Variants in ITGB7 observed in about 807,000 individuals in gnomAD.
ITGB7 encodes integrin subunit beta 7, also known as integrin beta-7.
A neutral mutation model predicts 83.4 loss-of-function variants in ITGB7; 55 were observed. The ratio of observed to expected loss-of-function variants is 0.66; its 90% CI spans 0.53 to 0.83. ITGB7 has a LOEUF of 0.83. Ranked by LOEUF, ITGB7 falls within the 40% of genes least tolerant of loss-of-function variation. The pLI, the probability that ITGB7 is intolerant of heterozygous loss-of-function variation, is 0.00. For missense variants in ITGB7, 921 were observed against 1,046.7 expected (o/e 0.88, Z 1.66); for synonymous variants, 454 against 423.6 (o/e 1.07, Z -0.88).
At position 53,193,756 on chromosome 12, in the gene ITGB7, G is replaced by T; in HGVS notation, c.1454C>A (p.Ala485Asp). 1 of 1,614,032 alleles carries T rather than the reference G, an allele frequency of 6.2e-7. No homozygotes were observed. Among genetic ancestry groups the T allele is most frequent in the Non-Finnish European group, 8.5e-7 (1 of 1,179,978 alleles). Residue 485 changes from alanine (A) to aspartate (D), a missense_variant, in exon 11 of 16, where the codon GCT (alanine) becomes GAT (aspartate). Coordinates refer to ENST00000267082, the MANE Select transcript of ITGB7 (RefSeq NM_000889.3). Reference sequence around the variant, plus strand: ...TCCCTGGCCATCACTGCAGTGGGGAGCCTGGGGCTGGGTGTCACTGCAATT... The same window carrying T: ...TCCCTGGCCATCACTGCAGTGGGGATCCTGGGGCTGGGTGTCACTGCAATT... Reference protein sequence around the residue: ...DCNCSDTQPQAPHCSDGQGHL... With the variant: ...DCNCSDTQPQDPHCSDGQGHL...
At chr12:53,192,651 CTG>C (rs1193300781) in intron 13 of ITGB7, 38 bp downstream of exon 13, 1 of 1,603,800 alleles carries the variant, frequency 6.2e-7, no homozygotes, top group Admixed American at 1.7e-5. Context: ...ACAAGCCCCA[CTG>C]TGCCCCTGCT....
intron 9 of ITGB7, chr12:53,194,595 A>G (rs552558751): frequency 1.1e-4 from 46 of 433,834 alleles, no homozygotes; most frequent in African/African-American, 8.3e-4. Flanking sequence ...TGAGGGTCAC[A>G]GGCTGGCCAG....
intron 9 of ITGB7, 128 bp downstream of exon 9, chr12:53,195,246 G>A (rs942022444): frequency 8.7e-6 from 6 of 691,062 alleles, no homozygotes; most frequent in Non-Finnish European, 8.0e-6. Flanking sequence ...CAGACTATAG[G>A]TAGGAGCTGT....
rs1285603279 is a variant in ITGB7 at position 53,192,193 on chromosome 12, A to G, written c.2155+137T>C. ...GGCCTTAGCCTCGTCCACTTGCTCA[A>G]TTGCCTCTGCCTTTGTCCTGGATTC... On this transcript the variant is annotated intron_variant, in intron 14 of 15. Transcript: ENST00000267082. The G allele has an allele frequency of 8.3e-6, 10 of 1,206,748 alleles. No homozygotes were observed. The Admixed American group carries it at 1.3e-4, about 15-fold the overall frequency. 74.8% of individuals were successfully genotyped at this position (1,206,748 alleles called of 1,614,324 possible). A position where few individuals can be genotyped will look rare whatever the true frequency, so the allele number is the denominator to read the frequency against.
rs769728483 is a variant in ITGB7 at position 53,194,322 on chromosome 12, A to G, written c.1184T>C (p.Leu395Pro). ...CCCAGGAGGGAGTGAAGAGTGTTCA[A>G]GGGTCACGGTGGAAGACAGGCTCTA... Reference protein sequence around the residue: ...AYNSLSSTVTLEHSSLPPGVH... With the variant: ...AYNSLSSTVTPEHSSLPPGVH... Residue 395 changes from leucine to proline, a missense_variant, in exon 10 of 16, where the codon CTT (leucine) becomes CCT (proline). Physicochemically the swap from Leu to Pro is moderately conservative, Grantham distance 98 (BLOSUM62 -3). Coordinates refer to ENST00000267082, the MANE Select transcript of ITGB7 (RefSeq NM_000889.3). 1 of 1,613,980 alleles carries G rather than the reference A, an allele frequency of 6.2e-7. No individual in the cohort carries two copies. The highest frequency in any genetic ancestry group is 8.5e-7 in the Non-Finnish European group (1 of 1,179,966).
In ITGB7 at chr12:53,192,855, T is replaced by C. The variant is rs138972554; in HGVS notation, c.1782A>G (p.Arg594=). The change falls in exon 13 of 16, where the codon AGA becomes AGG. Residue 594 remains arginine, a synonymous_variant. Transcript: ENST00000267082. ...VCHCHANRTG[R]ACECSGDMDS... ...CCATGTCCCCACTGCATTCGCATGC[T>C]CTGCCCGTGCGGTTGGCATGACAGT... The C allele has an allele frequency of 6.2e-7, 1 of 1,614,196 alleles. No homozygotes were observed. The highest frequency in any genetic ancestry group is 8.5e-7 in the Non-Finnish European group (1 of 1,180,040).
chr12:53,195,601 G>A, intron 8 of ITGB7, 25 bp downstream of exon 8: 1 of 1,591,518 alleles, frequency 6.3e-7, no homozygotes, highest in Non-Finnish European at 8.6e-7. Flanking sequence ...GGGGCTGGGG[G>A]ATCTGACATG....
intron 7 of ITGB7, 121 bp downstream of exon 7, chr12:53,195,920 G>T (rs919688161): frequency 8.4e-7 from 1 of 1,189,232 alleles, no homozygotes; most frequent in South Asian, 1.4e-5. Context: ...AACTGCTGGA[G>T]AAGATGGCAG....
At chr12:53,202,416 G>A (rs573918536) in intron 1 of ITGB7, among the ~76,000 whole-genome samples, 11 of 152,016 alleles carry the variant, frequency 7.2e-5, no homozygotes, top group Non-Finnish European at 5.9e-5. Flanking sequence ...GTGCAGTCGC[G>A]CCATCTCAGC....
intron 3 of ITGB7, 126 bp downstream of exon 3, chr12:53,200,117 C>CTGTG: frequency 1.2e-6 from 1 of 802,440 alleles, no homozygotes; most frequent in Non-Finnish European, 2.0e-6. Context: ...ACACATGAGA[C>CTGTG]TGTGGAGTGT....
intron 3 of ITGB7, 45 bp from the exon 4 acceptor site, chr12:53,197,996 C>A: frequency 6.8e-7 from 1 of 1,477,374 alleles, no homozygotes; most frequent in Admixed American, 2.1e-5. Flanking sequence ...CCTGCATAGG[C>A]CCTGGGCCCC....
Position 53,194,320 on chromosome 12 carries a change from C to T in ITGB7, c.1186G>A (p.Glu396Lys), listed in dbSNP as rs1942081163. ...ACCCCAGGAGGGAGTGAAGAGTGTT[C>T]AAGGGTCACGGTGGAAGACAGGCTC... ...YNSLSSTVTLEHSSLPPGVHI... is the reference protein window; with the variant it reads ...YNSLSSTVTLKHSSLPPGVHI... The change falls in exon 10 of 16, where the codon GAA becomes AAA. Residue 396 changes from glutamate (E) to lysine (K), a missense_variant. Physicochemically the swap from Glu to Lys is moderately conservative, Grantham distance 56. Transcript: ENST00000267082. The T allele has an allele frequency of 6.2e-7, 1 of 1,613,840 alleles. No individual in the cohort carries two copies. Among genetic ancestry groups the T allele is most frequent in the South Asian group, 1.1e-5 (1 of 91,054 alleles).
chr12:53,192,891 A>C lies in ITGB7; in HGVS notation c.1746T>G (p.Cys582Trp). 6.2e-7 allele frequency: 1 copy of C among 1,614,078 alleles called. No individual in the cohort carries two copies. The highest frequency in any genetic ancestry group is 8.5e-7 in the Non-Finnish European group (1 of 1,179,958). ...GGTTGGCATGACAGTGACATACTCC[A>C]CATTGGCAGCGACCAAAGCCTGGGG... is the stretch of plus-strand genomic sequence containing the variant. ...ILCGGFGRCQ[C>W]GVCHCHANRT... The change falls in exon 13 of 16, where the codon TGT becomes TGG. Residue 582 changes from cysteine to tryptophan, a missense_variant. Physicochemically the swap from Cys to Trp is radical, Grantham distance 215 (BLOSUM62 -2). Transcript: ENST00000267082.
chr12:53,192,267 A>G, intron 14 of ITGB7, 63 bp downstream of exon 14: 2 of 1,507,676 alleles, frequency 1.3e-6, no homozygotes, highest in Admixed American at 1.7e-5. Flanking sequence ...TTCACTCTGC[A>G]TCCCCAGAGT....
intron 3 of ITGB7, among the ~76,000 whole-genome samples, chr12:53,199,912 C>G (rs906509893): frequency 6.6e-6 from 1 of 152,218 alleles, no homozygotes; most frequent in African/African-American, 2.4e-5. Flanking sequence ...ACATACACAA[C>G]AGCTCCCTCT....
intron 5 of ITGB7, chr12:53,197,066 A>C (rs1942187688): frequency 1.0e-5 from 6 of 571,796 alleles, no homozygotes; most frequent in South Asian, 2.2e-5. Context: ...AGGCGGAAGA[A>C]GGCCCGGGTA....
At chr12:53,204,380 C>CAAAAAAAAAAAAAAAAAAAAAA (rs1162922421) in intron 1 of ITGB7, among the ~76,000 whole-genome samples, 1 of 89,450 alleles carries the variant, frequency 1.1e-5, no homozygotes. Flanking sequence ...AACTCGGTCT[C>CAAAAAAAAAAAAAAAAAAAAAA]AAAAAAAAAA....
rs549027525 is a variant in ITGB7, at chr12:53,192,409, G to A, written c.2076C>T (p.Thr692=). The A allele has an allele frequency of 2.5e-6, 4 of 1,614,062 alleles. No individual in the cohort carries two copies. The South Asian group carries it at 4.4e-5, about 18-fold the overall frequency. The change falls in exon 14 of 16, where the codon ACC becomes ACT. Residue 692 remains threonine (T), a synonymous_variant. Coordinates refer to ENST00000267082, the MANE Select transcript of ITGB7 (RefSeq NM_000889.3). ...AGAAGAAGAACAGCTGGTTGTCCAG[G>A]GTCCGCTCTTTGCACCAGCCATCAT... The part of the protein sequence containing the change: ...ILDDGWCKER[T]LDNQLFFFLV...
intron 9 of ITGB7, 194 bp downstream of exon 9, chr12:53,195,180 G>A (rs1942114975): frequency 1.7e-6 from 1 of 595,304 alleles, no homozygotes; most frequent in African/African-American, 1.9e-5. Context: ...CTGTCTGCAT[G>A]TCAGATGTTT....
Sources: gnomAD v4.1 joint callset for allele counts (sites outside exome capture counted in the v4.1 genomes callset) on GRCh38, gnomAD v4.1.1 for gene constraint, MANE v1.5 for transcripts, NCBI Gene and HGNC (gene_info 2026-07-23, HGNC 2026-07-21) for gene names.